GIGYF2: variants seen among roughly 807,000 people sequenced by gnomAD.
The protein encoded by GIGYF2 is GRB10 interacting GYF protein 2.
A neutral mutation model predicts 208.1 loss-of-function variants in GIGYF2; 25 were observed. The observed-to-expected ratio is 0.12, with a 90% CI of 0.09 to 0.17. The LOEUF (loss-of-function observed/expected upper bound fraction) is 0.17. Among genes scored for constraint, GIGYF2 ranks in the 10% least tolerant of loss-of-function variants. The pLI is 1.00. For synonymous variants in GIGYF2, 534 were observed against 543.8 expected (o/e 0.98, Z 0.25); for missense variants, 1,302 against 1,579.4 (o/e 0.82, Z 2.98).
chr2:232,805,001 A>G, intron 14 of GIGYF2, among the ~76,000 whole-genome samples: 1 of 151,604 alleles, frequency 6.6e-6, no homozygotes, highest in East Asian at 1.9e-4. Flanking sequence ...GTTTTTGGGG[A>G]ACAGGTGATA....
At chr2:232,777,073 T>A (rs1200405398) in intron 8 of GIGYF2, among the ~76,000 whole-genome samples, 1 of 152,160 alleles carries the variant, frequency 6.6e-6, no homozygotes, top group African/African-American at 2.4e-5. Flanking sequence ...GTAATATAGA[T>A]AATTACGTGA....
intron 28 of GIGYF2, among the ~76,000 whole-genome samples, chr2:232,853,414 C>G (rs1183758963): frequency 8.5e-5 from 13 of 152,302 alleles, no homozygotes; most frequent in Non-Finnish European, 2.9e-5. Flanking sequence ...AGTGCTGGGA[C>G]TACAGGTGCG....
intron 8 of GIGYF2, among the ~76,000 whole-genome samples, chr2:232,769,430 CTGAGGCAGGAGATTGCAG>C (rs1320288465): frequency 6.9e-6 from 1 of 145,532 alleles, no homozygotes; most frequent in Admixed American, 7.2e-5. Context: ...ACTCAGGAGG[CTGAGGCAGGAGATTGCAG>C]TGAGCCAAGT....
chr2:232,844,648 G>A (rs1701938991), intron 25 of GIGYF2, 74 bp downstream of exon 25: 1 of 981,564 alleles, frequency 1.0e-6, no homozygotes, highest in African/African-American at 1.6e-5. Flanking sequence ...GGGATGTTGG[G>A]TGGGCAGGAA....
intron 13 of GIGYF2, among the ~76,000 whole-genome samples, chr2:232,795,638 T>C (rs887993770): frequency 6.6e-6 from 1 of 152,162 alleles, no homozygotes; most frequent in African/African-American, 2.4e-5. Context: ...GTGCATGTCC[T>C]GTAGTCCTAG....
chr2:232,849,997 G>T (rs1036345238), intron 27 of GIGYF2, among the ~76,000 whole-genome samples: 1 of 152,136 alleles, frequency 6.6e-6, no homozygotes, highest in Non-Finnish European at 1.5e-5. Flanking sequence ...AAGTTCTGCC[G>T]TCACAGCAGG....
At chr2:232,843,517 C>T (rs7595118) in intron 23 of GIGYF2, among the ~76,000 whole-genome samples, 81,382 of 147,536 alleles carry the variant, frequency 0.55, 22,844 homozygotes, top group Middle Eastern at 0.61. Flanking sequence ...GAGCTGAGAT[C>T]GTGCCATTGC....
intron 21 of GIGYF2, among the ~76,000 whole-genome samples, chr2:232,824,070 C>G (rs1366253798): frequency 7.9e-5 from 12 of 152,128 alleles, no homozygotes; most frequent in Admixed American, 7.9e-4. Flanking sequence ...CAAACTTAAT[C>G]CATACCTATA....
At chr2:232,747,483 C>T in intron 3 of GIGYF2, 132 bp from the exon 4 acceptor site, 1 of 962,796 alleles carries the variant, frequency 1.0e-6, no homozygotes, top group Non-Finnish European at 1.6e-6. Flanking sequence ...AAGCTAAAGT[C>T]TGATACTTTG....
At chr2:232,740,048 G>A (rs938871700) in intron 3 of GIGYF2, among the ~76,000 whole-genome samples, 8 of 152,094 alleles carry the variant, frequency 5.3e-5, no homozygotes, top group African/African-American at 1.9e-4. Flanking sequence ...AACACGGGAG[G>A]TGGAGGTTGC....
At chr2:232,709,954 A>G (rs943401993) in intron 2 of GIGYF2, among the ~76,000 whole-genome samples, 14 of 151,524 alleles carry the variant, frequency 9.2e-5, no homozygotes, top group African/African-American at 3.4e-4. Context: ...TTACAAAGTT[A>G]TATATTTATT....
At chr2:232,736,117 G>T (rs896003945) in intron 3 of GIGYF2, 1 of 962,494 alleles carries the variant, frequency 1.0e-6, no homozygotes, top group Non-Finnish European at 1.2e-6. Flanking sequence ...ATGTAATCTC[G>T]AAGTTTTCTT....
chr2:232,814,569 C>CG (rs961604311), intron 18 of GIGYF2, among the ~76,000 whole-genome samples: 2 of 126,498 alleles, frequency 1.6e-5, no homozygotes, highest in Admixed American at 8.0e-5. Flanking sequence ...CCTCAAACCC[C>CG]CCCCCCCCAA....
intron 14 of GIGYF2, among the ~76,000 whole-genome samples, chr2:232,805,623 T>C (rs1298988763): frequency 6.6e-6 from 1 of 152,256 alleles, no homozygotes; most frequent in Non-Finnish European, 1.5e-5. Context: ...TTCTGGTTGC[T>C]GGCTTCTTCA....
chr2:232,811,218 T>G, intron 16 of GIGYF2, 26 bp from the exon 17 acceptor site: 1 of 1,282,406 alleles, frequency 7.8e-7, no homozygotes. Context: ...ATTGACAGGT[T>G]ATACTTTTTT....
chr2:232,721,088 A>G (rs1450332602), intron 2 of GIGYF2, among the ~76,000 whole-genome samples: 1 of 152,146 alleles, frequency 6.6e-6, no homozygotes, highest in Admixed American at 6.5e-5. Flanking sequence ...AGAACTAACA[A>G]TATTTTGCCC....
In GIGYF2 at chr2:232,776,156, A is replaced by AT. The variant is rs1046440834; in HGVS notation, c.533-10986dup. Among the ~76,000 whole-genome samples, 6 of 151,900 alleles carry AT rather than the reference A, an allele frequency of 3.9e-5. No individual in the cohort carries two copies. The East Asian group carries it at 5.8e-4, about 15-fold the overall frequency. ...ACTTTTTTTTTCCTCAAGCCACTGA[A>AT]TTTTTTTTCCTAAGGCCTTTATCCT... On this transcript the variant is annotated intron_variant, in intron 8 of 28. Transcript: ENST00000373563.
intron 14 of GIGYF2, among the ~76,000 whole-genome samples, chr2:232,804,446 T>C (rs563998168): frequency 6.6e-6 from 1 of 151,760 alleles, no homozygotes; most frequent in Non-Finnish European, 1.5e-5. Context: ...GTTCTTTTTG[T>C]TTTCTGTTTT....
chr2:232,761,457 CAT>C lies in GIGYF2; in HGVS notation c.532+23_532+24del, dbSNP rs141770509. ...TGTAGGTAAGGTTCTTACCTACACA[CAT>C]AAGGATAAATTTATTAAAAATTGAC... On this transcript the variant is annotated intron_variant, in intron 8 of 28. Coordinates refer to ENST00000373563, the MANE Select transcript of GIGYF2 (RefSeq NM_001103146.3). The C allele has an allele frequency of 4.5e-3, 6,653 of 1,467,530 alleles. 239 individuals carry two copies. The African/African-American group carries it at 0.077, about 17-fold the overall frequency. The allele number at this position is 1,467,530 out of a possible 1,614,324, so 90.9% of individuals were successfully genotyped here.
Sources: gnomAD v4.1 joint callset for allele counts (sites outside exome capture counted in the v4.1 genomes callset) on GRCh38, gnomAD v4.1.1 for gene constraint, MANE v1.5 for transcripts, NCBI Gene and HGNC (gene_info 2026-07-23, HGNC 2026-07-21) for gene names.